Variants in PIP5K1B observed in about 807,000 individuals in gnomAD.
PIP5K1B encodes phosphatidylinositol 4-phosphate 5-kinase type-1 beta.
PIP5K1B carries 42 observed loss-of-function variants against 67.0 expected under a neutral mutation model. The ratio of observed to expected loss-of-function variants is 0.63; its 90% CI spans 0.49 to 0.81. PIP5K1B has a LOEUF of 0.81. PIP5K1B is among the 30% of genes least tolerant of loss of function. PIP5K1B has a pLI of 0.00. For missense variants in PIP5K1B, 459 were observed against 646.3 expected, an observed-to-expected ratio of 0.71 and a Z score of 3.14; for synonymous variants, 214 against 231.4, an observed-to-expected ratio of 0.92 and a Z score of 0.68.
chr9:68,773,732 C>G (rs532992289), intron 2 of PIP5K1B, among the ~76,000 whole-genome samples: 1 of 152,262 alleles, frequency 6.6e-6, no homozygotes, highest in East Asian at 1.9e-4. Flanking sequence ...ACACTTCTAC[C>G]TTGATTTTCT....
chr9:68,953,805 T>TA (rs71353095), intron 14 of PIP5K1B, among the ~76,000 whole-genome samples: 4,519 of 108,436 alleles, frequency 0.042, 176 homozygotes, highest in African/African-American at 0.1. Context: ...GACTCTGTCT[T>TA]AAAAAAAAAA....
At chr9:68,783,163 A>G (rs1206943418) in intron 2 of PIP5K1B, 1 of 166,920 alleles carries the variant, frequency 6.0e-6, no homozygotes, top group African/African-American at 2.4e-5. Context: ...TTGCTTCCCC[A>G]TTTCCTACTC....
intron 2 of PIP5K1B, among the ~76,000 whole-genome samples, chr9:68,747,243 C>G (rs1174205945): frequency 6.8e-6 from 1 of 148,038 alleles, no homozygotes; most frequent in African/African-American, 2.5e-5. Flanking sequence ...GGAGGCTTAT[C>G]TCGTATGTGC....
intron 4 of PIP5K1B, among the ~76,000 whole-genome samples, chr9:68,862,820 TAA>T (rs201013840): frequency 0.023 from 2,261 of 99,832 alleles, 27 homozygotes; most frequent in Middle Eastern, 0.057. Flanking sequence ...AATAAATAAA[TAA>T]ATATATATAT....
chr9:68,833,092 A>G (rs1834404008), intron 4 of PIP5K1B, among the ~76,000 whole-genome samples: 1 of 152,248 alleles, frequency 6.6e-6, no homozygotes, highest in Non-Finnish European at 1.5e-5. Flanking sequence ...AGGCCAAGAC[A>G]GACATAGTCC....
intron 4 of PIP5K1B, among the ~76,000 whole-genome samples, chr9:68,851,252 A>G (rs2132203685): frequency 6.6e-6 from 1 of 152,350 alleles, no homozygotes; most frequent in East Asian, 1.9e-4. Flanking sequence ...AAACAGATGG[A>G]TATACTGGGA....
chr9:68,761,057 T>A (rs1380838694), intron 2 of PIP5K1B, among the ~76,000 whole-genome samples: 1 of 152,028 alleles, frequency 6.6e-6, no homozygotes, highest in African/African-American at 2.4e-5. Context: ...AGAGAGAGAA[T>A]GAAGATTCTT....
At chr9:68,877,257 CA>C (rs923246895) in intron 6 of PIP5K1B, among the ~76,000 whole-genome samples, 51 of 152,174 alleles carry the variant, frequency 3.4e-4, no homozygotes, top group African/African-American at 1.1e-3. Context: ...TCTCTTCAGG[CA>C]GACTTTTTAA....
chr9:68,939,669 G>C (rs1827459621), intron 13 of PIP5K1B, among the ~76,000 whole-genome samples: 1 of 152,178 alleles, frequency 6.6e-6, no homozygotes, highest in Non-Finnish European at 1.5e-5. Flanking sequence ...TGATTTCCCA[G>C]ACTAGAGTCC....
intron 8 of PIP5K1B, among the ~76,000 whole-genome samples, chr9:68,896,920 C>T (rs75497437): frequency 2.0e-5 from 3 of 152,158 alleles, no homozygotes; most frequent in South Asian, 2.1e-4. Context: ...TCTTGGAGCC[C>T]GTTGTTCCTT....
intron 1 of PIP5K1B, among the ~76,000 whole-genome samples, chr9:68,714,027 A>G (rs955523535): frequency 6.6e-6 from 1 of 152,128 alleles, no homozygotes; most frequent in African/African-American, 2.4e-5. Context: ...TGAAGCCCAT[A>G]CTCTTTTTCT....
intron 4 of PIP5K1B, among the ~76,000 whole-genome samples, chr9:68,855,594 T>C (rs1369331930): frequency 1.3e-5 from 2 of 152,234 alleles, no homozygotes; most frequent in Non-Finnish European, 2.9e-5. Context: ...GAGGCATTGC[T>C]GGTACTTTTC....
chr9:68,872,686 G>A (rs535928232), intron 5 of PIP5K1B, among the ~76,000 whole-genome samples: 3 of 152,104 alleles, frequency 2.0e-5, no homozygotes, highest in African/African-American at 7.2e-5. Context: ...GATTTTTTAT[G>A]TATATGCATG....
At chr9:68,920,709 A>T (rs1826337051) in intron 11 of PIP5K1B, among the ~76,000 whole-genome samples, 1 of 151,760 alleles carries the variant, frequency 6.6e-6, no homozygotes, top group African/African-American at 2.4e-5. Context: ...AAAATCAGTT[A>T]ACAAAGAGCA....
intron 2 of PIP5K1B, among the ~76,000 whole-genome samples, chr9:68,774,217 A>G (rs1830801088): frequency 6.6e-6 from 1 of 152,192 alleles, no homozygotes; most frequent in South Asian, 2.1e-4. Context: ...ATTCTTGGTG[A>G]TCTGTAACTG....
chr9:68,991,288 C>T, intron 15 of PIP5K1B, 31 bp downstream of exon 15: 1 of 1,168,366 alleles, frequency 8.6e-7, no homozygotes, highest in Non-Finnish European at 1.3e-6. Flanking sequence ...CTCTCCTCCA[C>T]TTCTGGTTTG....
chr9:68,917,090 G>A (rs1048514750), intron 8 of PIP5K1B, among the ~76,000 whole-genome samples: 2 of 152,146 alleles, frequency 1.3e-5, no homozygotes, highest in Admixed American at 6.5e-5. Flanking sequence ...TGTGGACACC[G>A]GAGTTGACTG....
At chr9:68,879,727 A>G (rs1184047456) in intron 6 of PIP5K1B, among the ~76,000 whole-genome samples, 2 of 152,184 alleles carry the variant, frequency 1.3e-5, no homozygotes, top group Non-Finnish European at 2.9e-5. Flanking sequence ...GAGGTGATGG[A>G]TATCCCAATT....
At chr9:68,746,369 T>G (rs755116715) in intron 2 of PIP5K1B, among the ~76,000 whole-genome samples, 2 of 152,140 alleles carry the variant, frequency 1.3e-5, no homozygotes, top group African/African-American at 2.4e-5. Context: ...AAACAGATTC[T>G]TAGTTATATG....
Sources: allele counts gnomAD v4.1 joint callset (sites outside exome capture counted in the v4.1 genomes callset), GRCh38; gene constraint gnomAD v4.1.1; transcripts MANE v1.5; gene names NCBI Gene and HGNC (gene_info 2026-07-23, HGNC 2026-07-21).